Variants in CDH8 observed in about 807,000 individuals in gnomAD.
CDH8 encodes cadherin-8.
CDH8 carries 17 observed loss-of-function variants against 68.1 expected under a neutral mutation model. That is an observed-to-expected ratio of 0.25 (90% CI 0.17 to 0.37). The LOEUF (loss-of-function observed/expected upper bound fraction) is 0.37. CDH8 is among the 10% of genes least tolerant of loss of function. CDH8 has a pLI of 1.00. For synonymous variants in CDH8, 372 were observed against 365.1 expected (o/e 1.02, Z -0.21); for missense variants, 763 against 999.3 (o/e 0.76, Z 3.19).
In CDH8 at chr16:61,651,106, T is replaced by C. The variant is rs953838855; in HGVS notation, c.*2502A>G. The C allele has an allele frequency of 6.6e-6, 1 of 152,170 alleles. No homozygotes were observed. Among genetic ancestry groups the C allele is most frequent in the South Asian group, 2.1e-4 (1 of 4,834 alleles). 9.4% of individuals were successfully genotyped at this position (152,170 alleles called of 1,614,324 possible). ...TTATTCTGTTAGACATATTTGTGTG[T>C]CTATAATCTTTGGGCACTTCAAAGT... On this transcript the variant is annotated 3_prime_UTR_variant, in exon 12 of 12. Transcript: ENST00000577390.
intron 10 of CDH8, among the ~76,000 whole-genome samples, chr16:61,691,260 G>A (rs2142830455): frequency 6.6e-6 from 1 of 151,996 alleles, no homozygotes; most frequent in Non-Finnish European, 1.5e-5. Context: ...TTCTACTAAG[G>A]TAAAGGATCA....
intron 7 of CDH8, among the ~76,000 whole-genome samples, chr16:61,791,747 G>C (rs1004699672): frequency 6.6e-6 from 1 of 151,970 alleles, no homozygotes; most frequent in Non-Finnish European, 1.5e-5. Flanking sequence ...GAGCAAAAAC[G>C]GGGTATTTGG....
chr16:62,010,992 G>A (rs903556980), intron 2 of CDH8, among the ~76,000 whole-genome samples: 3 of 150,288 alleles, frequency 2.0e-5, no homozygotes, highest in Non-Finnish European at 4.4e-5. Flanking sequence ...CATGTCCCTG[G>A]ATAATGTCAT....
At chr16:62,031,665 CACACACCCACAA>C (rs903606449) in intron 1 of CDH8, among the ~76,000 whole-genome samples, 4 of 119,430 alleles carry the variant, frequency 3.3e-5, no homozygotes, top group Admixed American at 3.2e-4. Context: ...AACTTAAACA[CACACACCCACAA>C]ACACACACAC....
At chr16:61,968,859 G>A (rs968007443) in intron 2 of CDH8, among the ~76,000 whole-genome samples, 2 of 152,208 alleles carry the variant, frequency 1.3e-5, no homozygotes, top group Non-Finnish European at 2.9e-5. Flanking sequence ...AGAAAGCGGC[G>A]TGAAGCCTGA....
chr16:61,863,834 CACAG>C (rs1490158756), intron 3 of CDH8, among the ~76,000 whole-genome samples: 1 of 152,226 alleles, frequency 6.6e-6, no homozygotes, highest in South Asian at 2.1e-4. Flanking sequence ...ATGTACAATC[CACAG>C]ACAAAGTGTT....
intron 7 of CDH8, among the ~76,000 whole-genome samples, chr16:61,803,659 G>T (rs1227933917): frequency 6.6e-6 from 1 of 151,308 alleles, no homozygotes. Context: ...AAAGGCAGGG[G>T]TTGCAATCCT....
At chr16:61,843,158 G>T (rs565543574) in intron 4 of CDH8, among the ~76,000 whole-genome samples, 1 of 152,032 alleles carries the variant, frequency 6.6e-6, no homozygotes, top group Non-Finnish European at 1.5e-5. Context: ...GCTGGTATTT[G>T]TTTTGTGTAT....
rs1253424481 is a variant in CDH8 at position 61,652,073 on chromosome 16, CATGGAGTG to C, written c.*1527_*1534del. 1 of 885,208 alleles carries C rather than the reference CATGGAGTG, an allele frequency of 1.1e-6. No individual in the cohort carries two copies. The highest frequency in any genetic ancestry group is 1.4e-6 in the Non-Finnish European group (1 of 738,828). The allele number at this position is 885,208 out of a possible 1,614,324, so 54.8% of individuals were successfully genotyped here. On this transcript the variant is annotated 3_prime_UTR_variant, in exon 12 of 12. Coordinates refer to ENST00000577390, the MANE Select transcript of CDH8 (RefSeq NM_001796.5). ...TACAGGAGTTTCTCTGAATACAATACATGGAGTGAATAAACAATATTGCATTAAAGCAA... is the reference window on the plus strand; with the variant it reads ...TACAGGAGTTTCTCTGAATACAATACAATAAACAATATTGCATTAAAGCAA...
intron 10 of CDH8, among the ~76,000 whole-genome samples, chr16:61,668,837 A>G (rs191151563): frequency 6.6e-6 from 1 of 152,034 alleles, no homozygotes; most frequent in Non-Finnish European, 1.5e-5. Context: ...CTAAATATTT[A>G]AGAAACTGGA....
At chr16:62,028,497 T>C (rs1473351535) in intron 1 of CDH8, among the ~76,000 whole-genome samples, 1 of 152,172 alleles carries the variant, frequency 6.6e-6, no homozygotes, top group Non-Finnish European at 1.5e-5. Flanking sequence ...CTCCTCCTTC[T>C]TTCCCAAGGT....
chr16:61,727,537 T>C (rs1959411783), intron 8 of CDH8, among the ~76,000 whole-genome samples: 1 of 151,084 alleles, frequency 6.6e-6, no homozygotes, highest in African/African-American at 2.4e-5. Context: ...AAAAATGTTG[T>C]ATACAACAAA....
At chr16:61,747,762 T>A (rs1960058250) in intron 8 of CDH8, among the ~76,000 whole-genome samples, 1 of 151,712 alleles carries the variant, frequency 6.6e-6, no homozygotes, top group Non-Finnish European at 1.5e-5. Flanking sequence ...TAAAAAAAAA[T>A]TGTTGGCACA....
chr16:61,810,762 G>A (rs1048485797), intron 7 of CDH8, among the ~76,000 whole-genome samples: 11 of 152,082 alleles, frequency 7.2e-5, no homozygotes, highest in East Asian at 1.9e-4. Flanking sequence ...AGTAGCTCAC[G>A]CCTGTAATCC....
chr16:61,864,444 T>G (rs1963216452), intron 3 of CDH8, among the ~76,000 whole-genome samples: 1 of 152,104 alleles, frequency 6.6e-6, no homozygotes, highest in South Asian at 2.1e-4. Flanking sequence ...GAGAAATAAG[T>G]GTATGCAGCC....
intron 2 of CDH8, among the ~76,000 whole-genome samples, chr16:61,996,202 T>G (rs1357488787): frequency 2.0e-5 from 3 of 151,390 alleles, no homozygotes; most frequent in Non-Finnish European, 4.4e-5. Context: ...TCCAACCCAA[T>G]CCCCTGAAGC....
At chr16:61,818,187 A>C (rs759579637) in intron 6 of CDH8, 3 of 158,462 alleles carry the variant, frequency 1.9e-5, no homozygotes, top group African/African-American at 2.4e-5. Flanking sequence ...AAGAACTAGA[A>C]ATAATCATTG....
intron 2 of CDH8, among the ~76,000 whole-genome samples, chr16:61,927,436 GTATATT>G (rs1277093311): frequency 1.3e-5 from 2 of 151,912 alleles, no homozygotes; most frequent in Non-Finnish European, 2.9e-5. Flanking sequence ...TATTATATAT[GTATATT>G]TATAAGTATA....
In CDH8 at chr16:61,821,013, T is replaced by A. The variant is rs372698450; in HGVS notation, c.936A>T (p.Ser312=). The change falls in exon 6 of 12, where the codon TCA becomes TCT. Residue 312 remains serine, a synonymous_variant. Transcript: ENST00000577390. ...TTCCATCTCCATCGATGATATCATA[T>A]GATGACTGTGCATTTTCACCAATAT... ...DQDIGENAQS[S]YDIIDGDGTA... is the part of the protein sequence containing the mutation. The A allele has an allele frequency of 1.5e-5, 24 of 1,612,712 alleles. No homozygotes were observed. The South Asian group carries it at 2.5e-4, about 17-fold the overall frequency.
Sources: allele counts gnomAD v4.1 joint callset (sites outside exome capture counted in the v4.1 genomes callset), GRCh38; gene constraint gnomAD v4.1.1; transcripts MANE v1.5; gene names NCBI Gene and HGNC (gene_info 2026-07-23, HGNC 2026-07-21).